CLPB: variants seen among roughly 807,000 people sequenced by gnomAD.
The protein encoded by CLPB is ClpB family mitochondrial disaggregase.
Under a neutral mutation model 78.4 loss-of-function variants are expected in CLPB, and 40 were observed. That is an observed-to-expected ratio of 0.51 (90% CI 0.40 to 0.66). CLPB has a LOEUF of 0.66. CLPB is among the 30% of genes least tolerant of loss of function. CLPB has a pLI of 0.00. For missense variants in CLPB, 780 were observed against 886.9 expected, an observed-to-expected ratio of 0.88 and a Z score of 1.53; for synonymous variants, 333 against 348.0, an observed-to-expected ratio of 0.96 and a Z score of 0.48.
rs1176209175 is a variant in CLPB, at chr11:72,380,316, T to A, written c.611A>T (p.Lys204Met). 1 of 1,614,176 alleles carries A rather than the reference T, an allele frequency of 6.2e-7. No individual in the cohort carries two copies. ...NLGDDFSSVYKTAKEQGIHSL... is the reference protein window; with the variant it reads ...NLGDDFSSVYMTAKEQGIHSL... ...ATGGATTCCCTGTTCCTTGGCAGTC[T>A]TGTAAACACTGCTGAAATCATCTCC... The change falls in exon 4 of 16, where the codon AAG becomes ATG. Residue 204 changes from lysine to methionine, a missense_variant. Physicochemically the swap from Lys to Met is moderately conservative, Grantham distance 95. This residue lies in a region of CLPB where 417 missense variants were observed against 414.7 expected (regional missense o/e 1.01). Transcript: ENST00000538039.
chr11:72,380,456 G>C, intron 3 of CLPB, 72 bp from the exon 4 acceptor site: 1 of 1,191,424 alleles, frequency 8.4e-7, no homozygotes, highest in Non-Finnish European at 1.2e-6. Flanking sequence ...AGATCCGGAA[G>C]CATGTTTGGG....
intron 10 of CLPB, 95 bp from the exon 11 acceptor site, chr11:72,302,059 AG>A: frequency 7.1e-7 from 1 of 1,400,320 alleles, no homozygotes; most frequent in South Asian, 1.3e-5. Context: ...TACGCTATTA[AG>A]GTTGCCTCTC....
At chr11:72,388,826 A>G (rs1457847341) in intron 3 of CLPB, among the ~76,000 whole-genome samples, 1 of 152,218 alleles carries the variant, frequency 6.6e-6, no homozygotes, top group South Asian at 2.1e-4. Context: ...AAAGAACCTC[A>G]CTGAAACTAT....
intron 3 of CLPB, among the ~76,000 whole-genome samples, chr11:72,388,445 G>A (rs746136039): frequency 6.6e-6 from 1 of 152,000 alleles, no homozygotes; most frequent in Non-Finnish European, 1.5e-5. Flanking sequence ...TACAGCCGGG[G>A]TTTCACCGTG....
intron 2 of CLPB, among the ~76,000 whole-genome samples, chr11:72,424,390 T>C (rs1324655520): frequency 2.0e-5 from 3 of 152,232 alleles, no homozygotes; most frequent in African/African-American, 7.2e-5. Flanking sequence ...GTTCCTGGAA[T>C]ATGTGATACA....
rs539585236 is a variant in CLPB at position 72,290,118 on chromosome 11, G to C, written c.*3249C>G. ...TTTTCTGGAATAAAAGGAACTGGGA[G>C]CTTCTTAGAGAATGACTGATGCCAG... is the stretch of plus-strand genomic sequence containing the variant. On this transcript the variant is annotated 3_prime_UTR_variant, in exon 16 of 16. Transcript: ENST00000538039. The C allele has an allele frequency of 6.6e-6, 1 of 152,168 alleles. No homozygotes were observed. Among genetic ancestry groups the C allele is most frequent in the Non-Finnish European group, 1.5e-5 (1 of 68,034 alleles). 9.4% of individuals were successfully genotyped at this position (152,168 alleles called of 1,614,324 possible).
intron 3 of CLPB, among the ~76,000 whole-genome samples, chr11:72,387,442 A>G (rs1855111539): frequency 6.6e-6 from 1 of 151,052 alleles, no homozygotes; most frequent in Non-Finnish European, 1.5e-5. Context: ...GTCAGGAGAC[A>G]TACCAATTAA....
intron 2 of CLPB, among the ~76,000 whole-genome samples, chr11:72,429,526 G>T (rs1287894331): frequency 1.3e-5 from 2 of 152,212 alleles, no homozygotes; most frequent in Non-Finnish European, 2.9e-5. Context: ...TGGCAAGGAA[G>T]GGGGGTGTCC....
At chr11:72,398,184 G>C (rs1855462912) in intron 3 of CLPB, among the ~76,000 whole-genome samples, 1 of 152,214 alleles carries the variant, frequency 6.6e-6, no homozygotes, top group Non-Finnish European at 1.5e-5. Flanking sequence ...TCCCTCAGTG[G>C]AAGAGCAAAT....
chr11:72,345,576 T>C (rs1275473480), intron 5 of CLPB, among the ~76,000 whole-genome samples: 2 of 152,200 alleles, frequency 1.3e-5, no homozygotes, highest in Non-Finnish European at 2.9e-5. Context: ...CAGAAGCAGG[T>C]TGAAAGGGAT....
intron 7 of CLPB, chr11:72,310,951 A>G (rs1028877694): frequency 1.3e-5 from 2 of 152,054 alleles, no homozygotes; most frequent in African/African-American, 2.4e-5. Flanking sequence ...CACCTGGGAG[A>G]GAGCTCTTTA....
At chr11:72,363,422 C>T (rs1950879404) in intron 4 of CLPB, 1 of 152,246 alleles carries the variant, frequency 6.6e-6, no homozygotes, top group Non-Finnish European at 1.5e-5. Flanking sequence ...TCGGCCTCTA[C>T]TGGCCACTCC....
chr11:72,330,035 T>C (rs529895240), intron 5 of CLPB, among the ~76,000 whole-genome samples: 1 of 152,308 alleles, frequency 6.6e-6, no homozygotes, highest in East Asian at 1.9e-4. Flanking sequence ...CAGTTGAACA[T>C]GCTAAGAAAG....
chr11:72,402,522 T>C (rs139166433), intron 3 of CLPB, among the ~76,000 whole-genome samples: 2 of 152,170 alleles, frequency 1.3e-5, no homozygotes, highest in African/African-American at 4.8e-5. Flanking sequence ...CAGCCTCCAA[T>C]GGGAGGGAAA....
At chr11:72,407,940 C>G (rs1040280561) in intron 2 of CLPB, among the ~76,000 whole-genome samples, 1 of 152,188 alleles carries the variant, frequency 6.6e-6, no homozygotes, top group African/African-American at 2.4e-5. Context: ...AGCCACCGCG[C>G]CCAGCCTCTG....
At chr11:72,355,447 A>C (rs924713636) in intron 5 of CLPB, 1 of 152,226 alleles carries the variant, frequency 6.6e-6, no homozygotes, top group Non-Finnish European at 1.5e-5. Context: ...ATTTCTTTAT[A>C]CATGTCACAA....
intron 4 of CLPB, among the ~76,000 whole-genome samples, chr11:72,373,960 C>CAAAAAAAA (rs35682727): frequency 1.2e-5 from 1 of 80,558 alleles, no homozygotes; most frequent in Non-Finnish European, 2.4e-5. Flanking sequence ...AACTCTGTCT[C>CAAAAAAAA]AAAAAAAAAA....
At chr11:72,296,771 G>T (rs965732753) in intron 11 of CLPB, among the ~76,000 whole-genome samples, 1 of 152,162 alleles carries the variant, frequency 6.6e-6, no homozygotes, top group East Asian at 1.9e-4. Context: ...CCAGAACAGC[G>T]TCCGGTACAG....
intron 9 of CLPB, among the ~76,000 whole-genome samples, chr11:72,305,081 A>G (rs897209609): frequency 6.6e-6 from 1 of 152,158 alleles, no homozygotes; most frequent in Non-Finnish European, 1.5e-5. Context: ...AATAAAATAC[A>G]TGGTTGTTTT....
Sources: gnomAD v4.1 joint callset for allele counts (sites outside exome capture counted in the v4.1 genomes callset) on GRCh38, gnomAD v4.1.1 for gene constraint, gnomAD v4.1.1 regional missense constraint, MANE v1.5 for transcripts, NCBI Gene and HGNC (gene_info 2026-07-23, HGNC 2026-07-21) for gene names.